The following PPP3R1 variants were observed in gnomAD, a reference collection of about 807,000 sequenced individuals.
The protein encoded by PPP3R1 is calcineurin subunit B type 1.
A neutral mutation model predicts 22.6 loss-of-function variants in PPP3R1; 5 were observed. The ratio of observed to expected loss-of-function variants is 0.22; its 90% confidence interval spans 0.12 to 0.46. The LOEUF (loss-of-function observed/expected upper bound fraction) is 0.46. Among genes scored for constraint, PPP3R1 ranks in the 20% least tolerant of loss-of-function variants. The probability of loss-of-function intolerance (pLI) is 0.99; values close to 1 mark genes in which losing one functional copy is unlikely to be tolerated. For missense variants in PPP3R1, 61 were observed against 203.2 expected (o/e 0.30, Z 4.25); for synonymous variants, 56 against 65.2 (o/e 0.86, Z 0.68).
intron 1 of PPP3R1, among the ~76,000 whole-genome samples, chr2:68,230,594 T>C (rs1441873659): frequency 3.9e-5 from 6 of 152,244 alleles, no homozygotes. Flanking sequence ...TATTTACCCG[T>C]ACTTTTACAC....
intron 1 of PPP3R1, among the ~76,000 whole-genome samples, chr2:68,228,637 G>GT (rs1669830698): frequency 2.0e-5 from 3 of 151,804 alleles, no homozygotes; most frequent in South Asian, 2.1e-4. Context: ...TATTGTTTCT[G>GT]TTTTTTATTT....
chr2:68,198,966 G>C (rs142643470), intron 2 of PPP3R1, among the ~76,000 whole-genome samples: 350 of 151,634 alleles, frequency 2.3e-3, no homozygotes, highest in Middle Eastern at 6.8e-3. Context: ...ATCTTTATTT[G>C]TATTATTATT....
At chr2:68,211,909 T>C (rs1669494571) in intron 2 of PPP3R1, among the ~76,000 whole-genome samples, 1 of 152,182 alleles carries the variant, frequency 6.6e-6, no homozygotes, top group South Asian at 2.1e-4. Context: ...GTTCTTTTGC[T>C]CCTTCTATCA....
At position 68,180,769 on chromosome 2, in the gene PPP3R1, G is replaced by T; in HGVS notation, c.*194C>A. The stretch of plus-strand genomic sequence containing the variant: ...GTTGCTGTCCTTCAGACTTTAAAGT[G>T]CTACACTGAGTTATTGAGAGAATTA... On this transcript the variant is annotated 3_prime_UTR_variant, in exon 6 of 6. Transcript: ENST00000234310. 1.7e-6 allele frequency: 1 copy of T among 583,240 alleles called. No individual in the cohort carries two copies. Among genetic ancestry groups the T allele is most frequent in the Non-Finnish European group, 3.0e-6 (1 of 328,880 alleles). The allele number at this position is 583,240 out of a possible 1,614,324, so 36.1% of individuals were successfully genotyped here.
intron 2 of PPP3R1, among the ~76,000 whole-genome samples, chr2:68,205,946 A>C (rs929017222): frequency 3.3e-5 from 5 of 151,852 alleles, no homozygotes. Flanking sequence ...CAGCCACCTG[A>C]GTAGCTGGGA....
intron 2 of PPP3R1, among the ~76,000 whole-genome samples, chr2:68,202,500 C>A (rs6719706): frequency 7.8e-4 from 119 of 151,782 alleles, no homozygotes; most frequent in Non-Finnish European, 1.4e-3. Flanking sequence ...ACTCGGCTCA[C>A]TGCAACCTCT....
chr2:68,221,905 T>C (rs1669694272), intron 1 of PPP3R1, among the ~76,000 whole-genome samples: 1 of 150,354 alleles, frequency 6.7e-6, no homozygotes, highest in Non-Finnish European at 1.5e-5. Flanking sequence ...TTATGGCAAA[T>C]GCTTTTTCCA....
At chr2:68,218,825 T>G (rs1199407366) in intron 1 of PPP3R1, among the ~76,000 whole-genome samples, 2 of 152,070 alleles carry the variant, frequency 1.3e-5, no homozygotes, top group African/African-American at 2.4e-5. Flanking sequence ...ACCAGGTCCT[T>G]GTTTCTCCAG....
intron 1 of PPP3R1, among the ~76,000 whole-genome samples, chr2:68,234,341 CAA>C (rs755395230): frequency 5.5e-5 from 7 of 128,284 alleles, no homozygotes; most frequent in South Asian, 2.5e-4. Context: ...AGACTCCGTC[CAA>C]AAAAAAAAAA....
chr2:68,202,028 C>A (rs1674987612), intron 2 of PPP3R1, among the ~76,000 whole-genome samples: 1 of 152,094 alleles, frequency 6.6e-6, no homozygotes, highest in South Asian at 2.1e-4. Context: ...AGAGAAATTT[C>A]TCCTTTTATT....
At chr2:68,188,490 T>G in intron 3 of PPP3R1, 24 bp downstream of exon 3, 1 of 1,547,716 alleles carries the variant, frequency 6.5e-7, no homozygotes, top group Non-Finnish European at 8.8e-7. Context: ...AACTTGTGGT[T>G]ATAAAAAATA....
chr2:68,221,113 C>T (rs1007637510), intron 1 of PPP3R1, among the ~76,000 whole-genome samples: 6 of 152,098 alleles, frequency 3.9e-5, no homozygotes, highest in African/African-American at 1.4e-4. Flanking sequence ...AGGCAGATCA[C>T]TTGAGGTCAG....
intron 1 of PPP3R1, among the ~76,000 whole-genome samples, chr2:68,230,761 A>C (rs537204169): frequency 6.6e-6 from 1 of 152,240 alleles, no homozygotes; most frequent in East Asian, 1.9e-4. Context: ...TCATTCCAGA[A>C]GGGTGTTTTC....
intron 2 of PPP3R1, 113 bp downstream of exon 2, chr2:68,216,979 A>T (rs2103770994): frequency 1.3e-6 from 1 of 742,378 alleles, no homozygotes; most frequent in East Asian, 2.8e-5. Flanking sequence ...CATTGCTACA[A>T]AGGTAAGTAA....
At chr2:68,218,061 A>C (rs1438339048) in intron 1 of PPP3R1, among the ~76,000 whole-genome samples, 3 of 152,188 alleles carry the variant, frequency 2.0e-5, no homozygotes, top group Non-Finnish European at 4.4e-5. Context: ...TACAGAATTT[A>C]AAGTAATATA....
chr2:68,245,154 T>G lies in PPP3R1; in HGVS notation c.3+6971A>C, dbSNP rs148810728. 6.0e-3 allele frequency among the ~76,000 whole-genome samples: 911 copies of G among 152,288 alleles called. 9 individuals are homozygous for G. Among genetic ancestry groups the G allele is most frequent in the African/African-American group, 0.02 (828 of 41,564 alleles). Reference sequence around the variant, plus strand: ...GGGAGGCTAAGGTGGGCAGACTGCTTGAGCTCAGGAGTTTGAGACCAGCCT... The same window carrying G: ...GGGAGGCTAAGGTGGGCAGACTGCTGGAGCTCAGGAGTTTGAGACCAGCCT... On this transcript the variant is annotated intron_variant, in intron 1 of 5. Coordinates refer to ENST00000234310, the MANE Select transcript of PPP3R1 (RefSeq NM_000945.4).
chr2:68,251,843 C>A (rs1670365519), intron 1 of PPP3R1, among the ~76,000 whole-genome samples: 2 of 117,904 alleles, frequency 1.7e-5, no homozygotes, highest in Non-Finnish European at 3.4e-5. Flanking sequence ...CGGGCGGGAC[C>A]GGCGGCGCGG....
At chr2:68,210,697 A>C (rs1669461200) in intron 2 of PPP3R1, among the ~76,000 whole-genome samples, 1 of 152,216 alleles carries the variant, frequency 6.6e-6, no homozygotes, top group South Asian at 2.1e-4. Context: ...GAGGCTAAAA[A>C]ATGAGCCTGG....
At chr2:68,249,632 G>A (rs1386654470) in intron 1 of PPP3R1, among the ~76,000 whole-genome samples, 1 of 150,226 alleles carries the variant, frequency 6.7e-6, no homozygotes, top group Non-Finnish European at 1.5e-5. Flanking sequence ...CTATTTACAA[G>A]ATTTTTTTTT....
Sources: allele counts gnomAD v4.1 joint callset (sites outside exome capture counted in the v4.1 genomes callset), GRCh38; gene constraint gnomAD v4.1.1; transcripts MANE v1.5; gene names NCBI Gene and HGNC (gene_info 2026-07-23, HGNC 2026-07-21).